TESK2: variants seen among roughly 807,000 people sequenced by gnomAD.
TESK2 encodes the protein testis associated actin remodelling kinase 2.
In TESK2, 39 loss-of-function variants were observed where a neutral mutation model predicts 57.1. The observed-to-expected ratio is 0.68, with a 90% CI of 0.53 to 0.89. The LOEUF (loss-of-function observed/expected upper bound fraction) is 0.89. Among genes scored for constraint, TESK2 ranks in the 40% least tolerant of loss-of-function variants. The pLI, the probability that TESK2 is intolerant of heterozygous loss-of-function variation, is 0.00. For missense variants in TESK2, 646 were observed against 732.1 expected, an observed-to-expected ratio of 0.88 and a Z score of 1.36; for synonymous variants, 249 against 267.9, an observed-to-expected ratio of 0.93 and a Z score of 0.69.
chr1:45,483,537 G>A (rs574506057), intron 1 of TESK2, among the ~76,000 whole-genome samples: 12 of 151,786 alleles, frequency 7.9e-5, no homozygotes, highest in African/African-American at 2.7e-4. Context: ...GGCAGAGGTT[G>A]CAGTGAGCTG....
intron 3 of TESK2, among the ~76,000 whole-genome samples, chr1:45,389,272 G>T (rs1649041546): frequency 6.6e-6 from 1 of 152,144 alleles, no homozygotes; most frequent in Admixed American, 6.5e-5. Flanking sequence ...TGTTAGCTGG[G>T]TGTGGTCACA....
chr1:45,457,944 C>T, intron 1 of TESK2, 73 bp from the exon 2 acceptor site: 1 of 606,414 alleles, frequency 1.6e-6, no homozygotes, highest in Non-Finnish European at 2.9e-6. Context: ...ATGCTCAATG[C>T]AAAAATATTT....
intron 4 of TESK2, among the ~76,000 whole-genome samples, chr1:45,384,593 ATTTTTT>A (rs59988269): frequency 5.9e-4 from 42 of 70,870 alleles, no homozygotes; most frequent in Admixed American, 2.1e-3. Context: ...CTAATTATTA[ATTTTTT>A]TTTTTTTTTT....
At chr1:45,490,417 C>T (rs1653671473) in intron 1 of TESK2, among the ~76,000 whole-genome samples, 1 of 151,938 alleles carries the variant, frequency 6.6e-6, no homozygotes, top group African/African-American at 2.4e-5. Context: ...GAATTGTTTT[C>T]CTGGGTAGAG....
intron 3 of TESK2, among the ~76,000 whole-genome samples, chr1:45,386,654 GT>G (rs1648910999): frequency 6.6e-6 from 1 of 151,648 alleles, no homozygotes; most frequent in African/African-American, 2.4e-5. Context: ...CCCATATGTG[GT>G]TTTGTTGCTT....
intron 2 of TESK2, among the ~76,000 whole-genome samples, chr1:45,452,979 G>C (rs1651928086): frequency 6.6e-6 from 1 of 152,158 alleles, no homozygotes. Flanking sequence ...TTGAGTCCAG[G>C]AGGATGCAGT....
At chr1:45,442,061 C>T (rs572819211) in intron 2 of TESK2, among the ~76,000 whole-genome samples, 4 of 152,126 alleles carry the variant, frequency 2.6e-5, no homozygotes, top group Admixed American at 6.6e-5. Flanking sequence ...CCCACCCTCC[C>T]GAGTAGCTGG....
rs140606839 is a variant in TESK2, at chr1:45,469,354, G to A, written c.-86-11483C>T. On this transcript the variant is annotated intron_variant, in intron 1 of 10. Transcript: ENST00000372086. ...GCAGCCACTATTTACTACAGACCAC[G>A]CATTCTACCAAGGGTTTTGTATGTT... is the stretch of plus-strand genomic sequence containing the variant. Among the ~76,000 whole-genome samples, 712 of 152,222 alleles carry A rather than the reference G, an allele frequency of 4.7e-3. 6 individuals carry two copies. The highest frequency in any genetic ancestry group is 0.016 in the African/African-American group (669 of 41,550).
chr1:45,348,545 C>T (rs143368898), intron 5 of TESK2, among the ~76,000 whole-genome samples: 34 of 152,308 alleles, frequency 2.2e-4, no homozygotes, highest in Admixed American at 1.0e-3. Flanking sequence ...CTGGCCTAGC[C>T]GCTGTCCCCC....
chr1:45,416,285 C>G (rs1650239422), intron 3 of TESK2, among the ~76,000 whole-genome samples: 1 of 150,748 alleles, frequency 6.6e-6, no homozygotes. Context: ...AAGGTTTTCT[C>G]TACAAAAACC....
chr1:45,461,264 A>T (rs1652319144), intron 1 of TESK2, among the ~76,000 whole-genome samples: 1 of 152,104 alleles, frequency 6.6e-6, no homozygotes, highest in Non-Finnish European at 1.5e-5. Flanking sequence ...GCACTTTGAG[A>T]ATCCCTTGAA....
intron 3 of TESK2, among the ~76,000 whole-genome samples, chr1:45,396,318 A>G (rs1349747469): frequency 6.7e-6 from 1 of 150,238 alleles, no homozygotes. Flanking sequence ...CTGGTCTTGA[A>G]CTCCTGACCT....
At chr1:45,449,236 G>A (rs76056489) in intron 2 of TESK2, among the ~76,000 whole-genome samples, 196 of 133,778 alleles carry the variant, frequency 1.5e-3, no homozygotes, top group Non-Finnish European at 1.4e-3. Context: ...AAAAAAAAAA[G>A]AAAAAAAAAA....
intron 4 of TESK2, among the ~76,000 whole-genome samples, chr1:45,365,740 G>A (rs912550482): frequency 2.8e-5 from 4 of 144,778 alleles, no homozygotes; most frequent in South Asian, 2.2e-4. Context: ...GTGCAGTGGC[G>A]TAATCTCAGC....
At chr1:45,421,626 TAAATCCTG>T in intron 3 of TESK2, 91 bp downstream of exon 3, 1 of 1,505,938 alleles carries the variant, frequency 6.6e-7, no homozygotes. Context: ...TTCAGCATGA[TAAATCCTG>T]AATCCCTCCT....
At chr1:45,475,433 T>C (rs936593132) in intron 1 of TESK2, among the ~76,000 whole-genome samples, 10 of 151,990 alleles carry the variant, frequency 6.6e-5, no homozygotes, top group Non-Finnish European at 1.5e-4. Flanking sequence ...TCTCGAACTC[T>C]TGACCTCAGG....
intron 1 of TESK2, among the ~76,000 whole-genome samples, chr1:45,485,939 T>C (rs1261193359): frequency 6.6e-6 from 1 of 152,208 alleles, no homozygotes; most frequent in Non-Finnish European, 1.5e-5. Flanking sequence ...GTAATTTGCC[T>C]TTATATTAAC....
intron 2 of TESK2, among the ~76,000 whole-genome samples, chr1:45,437,044 C>G (rs1651261721): frequency 6.6e-6 from 1 of 152,058 alleles, no homozygotes; most frequent in Non-Finnish European, 1.5e-5. Context: ...ATCCACCCAC[C>G]TTGGCCTCCC....
chr1:45,394,837 G>A (rs1231207116), intron 3 of TESK2, among the ~76,000 whole-genome samples: 1 of 151,310 alleles, frequency 6.6e-6, no homozygotes, highest in Non-Finnish European at 1.5e-5. Context: ...ATTAGAGGCG[G>A]CCACCACACC....
Sources: gnomAD v4.1 joint callset for allele counts (sites outside exome capture counted in the v4.1 genomes callset) on GRCh38, gnomAD v4.1.1 for gene constraint, MANE v1.5 for transcripts, NCBI Gene and HGNC (gene_info 2026-07-23, HGNC 2026-07-21) for gene names.